SNX14: variants seen among roughly 807,000 people sequenced by gnomAD.
The protein encoded by SNX14 is sorting nexin 14.
SNX14 carries 93 observed loss-of-function variants against 133.8 expected under a neutral mutation model. The observed-to-expected ratio is 0.70, with a 90% confidence interval of 0.59 to 0.83. SNX14 has a LOEUF of 0.83. SNX14 is among the 40% of genes least tolerant of loss of function. SNX14 has a pLI of 0.00. For synonymous variants in SNX14, 368 were observed against 365.6 expected (o/e 1.01, Z -0.07); for missense variants, 945 against 1,094.9 (o/e 0.86, Z 1.93).
At chr6:85,586,577 T>G (rs1583149616) in intron 1 of SNX14, among the ~76,000 whole-genome samples, 2 of 152,188 alleles carry the variant, frequency 1.3e-5, no homozygotes, top group East Asian at 3.8e-4. Context: ...AAGTGATTTT[T>G]TTTTTATTTC....
chr6:85,540,670 T>A (rs1272364216), intron 15 of SNX14, among the ~76,000 whole-genome samples: 1 of 152,172 alleles, frequency 6.6e-6, no homozygotes, highest in Non-Finnish European at 1.5e-5. Flanking sequence ...GAATTAATAT[T>A]CAACATTCAA....
At chr6:85,517,045 A>C (rs1043362181) in intron 23 of SNX14, among the ~76,000 whole-genome samples, 2 of 152,232 alleles carry the variant, frequency 1.3e-5, no homozygotes, top group African/African-American at 4.8e-5. Context: ...AGTCCTAGTC[A>C]GGAATAAAAC....
chr6:85,586,485 A>G (rs1003114620), intron 1 of SNX14, among the ~76,000 whole-genome samples: 1 of 152,206 alleles, frequency 6.6e-6, no homozygotes, highest in African/African-American at 2.4e-5. Flanking sequence ...TTTACCCAAT[A>G]GGGAAAATTT....
intron 1 of SNX14, among the ~76,000 whole-genome samples, chr6:85,578,122 G>T (rs1797887263): frequency 1.3e-5 from 2 of 151,904 alleles, no homozygotes; most frequent in South Asian, 4.2e-4. Context: ...AGGCAAGAGG[G>T]AAAGAAGTAC....
Position 85,530,112 on chromosome 6 carries a change from T to A in SNX14, c.1894+80A>T, listed in dbSNP as rs543481369. 9.9e-6 allele frequency: 8 copies of A among 806,564 alleles called. No individual in the cohort carries two copies. In the African/African-American group the frequency reaches 1.4e-4, roughly 14 times the overall value. The allele number at this position is 806,564 out of a possible 1,614,324, so 50.0% of individuals were successfully genotyped here. On this transcript the variant is annotated intron_variant, in intron 19 of 28. Coordinates refer to ENST00000314673, the MANE Select transcript of SNX14 (RefSeq NM_153816.6). ...TTTCTTGTATTTCAATTACTTAAAA[T>A]AAAAAAATTAATCTGGTGTCATAGT...
Position 85,558,026 on chromosome 6 carries a change from A to T in SNX14, c.584T>A (p.Leu195Ter). 1 of 1,592,982 alleles carries T rather than the reference A, an allele frequency of 6.3e-7. No homozygotes were observed. The highest frequency in any genetic ancestry group is 1.1e-5 in the South Asian group (1 of 89,668). Residue 195 changes from leucine to a stop codon, truncating the protein, a stop_gained, in exon 7 of 29, where the codon TTA (leucine) becomes TAA (stop). Coordinates refer to ENST00000314673, the MANE Select transcript of SNX14 (RefSeq NM_153816.6). LOFTEE classifies it high-confidence loss of function. ...TTCTATATGCTTCATTGCTGCTTTT[A>T]ATAGTTTCTTGGTTATAATAGATGG... ...DIPSIITKKL[L>*]KAAMKHIEVI...
chr6:85,543,869 C>A, intron 12 of SNX14, 109 bp from the exon 13 acceptor site: 1 of 517,630 alleles, frequency 1.9e-6, no homozygotes. Flanking sequence ...CAATTAGAAG[C>A]AATCTAATTC....
At chr6:85,554,954 G>A (rs1450336760) in intron 7 of SNX14, among the ~76,000 whole-genome samples, 1 of 151,930 alleles carries the variant, frequency 6.6e-6, no homozygotes, top group Non-Finnish European at 1.5e-5. Context: ...CAAGTAGCTA[G>A]GACTTACAGG....
intron 7 of SNX14, among the ~76,000 whole-genome samples, chr6:85,556,428 A>G (rs968575181): frequency 1.3e-5 from 2 of 152,050 alleles, no homozygotes; most frequent in African/African-American, 4.8e-5. Flanking sequence ...TTTAATTTAA[A>G]AAGAAAAAGA....
intron 14 of SNX14, 90 bp downstream of exon 14, chr6:85,543,092 T>G: frequency 1.7e-6 from 2 of 1,211,594 alleles, no homozygotes; most frequent in Non-Finnish European, 1.1e-6. Context: ...TTCTATTTAT[T>G]TTGTTATTTG....
chr6:85,560,766 G>A (rs1791274141), intron 6 of SNX14, among the ~76,000 whole-genome samples: 1 of 152,158 alleles, frequency 6.6e-6, no homozygotes, highest in African/African-American at 2.4e-5. Flanking sequence ...TGGCACAGTG[G>A]CTCACACCTG....
At position 85,528,352 on chromosome 6, in the gene SNX14, A is replaced by T; in HGVS notation, c.1905T>A (p.Pro635=). The change falls in exon 20 of 29, where the codon CCT becomes CCA. Residue 635 remains proline, a synonymous_variant. Transcript: ENST00000314673. ...SKLTEFHGAF[P]DAQLPSKRII... is the part of the protein sequence containing the mutation. ...TCCTCTTAGAAGGAAGCTGGGCATC[A>T]GGAAATGCACCTGAAATTAGTATAT... 2 of 1,612,372 alleles carry T rather than the reference A, an allele frequency of 1.2e-6. No homozygotes were observed. The highest frequency in any genetic ancestry group is 1.7e-6 in the Non-Finnish European group (2 of 1,179,016).
chr6:85,562,008 C>A (rs2128151255), intron 6 of SNX14, among the ~76,000 whole-genome samples: 1 of 152,250 alleles, frequency 6.6e-6, no homozygotes, highest in East Asian at 1.9e-4. Context: ...CCACTCTCCA[C>A]CCTCAAGTAG....
chr6:85,557,679 A>G (rs957289369), intron 7 of SNX14, among the ~76,000 whole-genome samples: 2 of 152,232 alleles, frequency 1.3e-5, no homozygotes, highest in African/African-American at 4.8e-5. Context: ...GGTCAAAACC[A>G]TTGAAACCAT....
intron 15 of SNX14, among the ~76,000 whole-genome samples, chr6:85,541,092 C>G (rs1451270038): frequency 6.6e-6 from 1 of 151,074 alleles, no homozygotes; most frequent in Non-Finnish European, 1.5e-5. Context: ...CTCCTGGGCT[C>G]GAACAATTCT....
intron 16 of SNX14, among the ~76,000 whole-genome samples, chr6:85,537,843 G>A (rs1782426896): frequency 6.6e-6 from 1 of 152,114 alleles, no homozygotes; most frequent in African/African-American, 2.4e-5. Context: ...CAGCTACTAG[G>A]AAGGCTGACA....
chr6:85,534,452 G>A (rs1445319438), intron 17 of SNX14, among the ~76,000 whole-genome samples: 2 of 152,114 alleles, frequency 1.3e-5, no homozygotes, highest in African/African-American at 4.8e-5. Flanking sequence ...ATTCTAAATG[G>A]CATCATCTTA....
In SNX14 at chr6:85,564,921, G is replaced by A. The variant is rs185407977; in HGVS notation, c.549+411C>T. On this transcript the variant is annotated intron_variant, in intron 6 of 28. Coordinates refer to ENST00000314673, the MANE Select transcript of SNX14 (RefSeq NM_153816.6). ...GGAGAATCACTTGAACCTGGGAGGC[G>A]GAGGTTGCAGTGAGCTGAGATCATG... 5.3e-5 allele frequency among the ~76,000 whole-genome samples: 8 copies of A among 151,894 alleles called. No homozygotes were observed. The East Asian group carries it at 1.2e-3, about 22-fold the overall frequency.
At chr6:85,532,050 AAAAAT>A (rs1340692974) in intron 18 of SNX14, among the ~76,000 whole-genome samples, 5 of 152,136 alleles carry the variant, frequency 3.3e-5, no homozygotes, top group South Asian at 2.1e-4. Context: ...AATTAAATTA[AAAAAT>A]AAAATAAAAG....
Sources: gnomAD v4.1 joint callset for allele counts (sites outside exome capture counted in the v4.1 genomes callset) on GRCh38, gnomAD v4.1.1 for gene constraint, MANE v1.5 for transcripts, NCBI Gene and HGNC (gene_info 2026-07-23, HGNC 2026-07-21) for gene names.